NABP2: variants seen among roughly 807,000 people sequenced by gnomAD.
NABP2 encodes SOSS complex subunit B1.
Under a neutral mutation model 22.7 loss-of-function variants are expected in NABP2, and 7 were observed. The observed-to-expected ratio is 0.31, with a 90% CI of 0.18 to 0.58. NABP2 has a LOEUF of 0.58. Among genes scored for constraint, NABP2 ranks in the 20% least tolerant of loss-of-function variants. The pLI is 0.89. For synonymous variants in NABP2, 107 were observed against 99.2 expected, an observed-to-expected ratio of 1.08 and a Z score of -0.47; for missense variants, 188 against 265.9, an observed-to-expected ratio of 0.71 and a Z score of 2.04.
intron 6 of NABP2, 70 bp downstream of exon 6, chr12:56,226,489 T>G: frequency 2.3e-6 from 3 of 1,313,744 alleles, no homozygotes; most frequent in South Asian, 1.2e-5. Flanking sequence ...AAAGATGCAT[T>G]TCCCTCATTC....
At chr12:56,224,195 C>T (rs1869645926), upstream of NABP2, 2 of 388,500 alleles carry the variant, frequency 5.1e-6, no homozygotes, top group Non-Finnish European at 7.1e-6. Context: ...TCCAAGGTTC[C>T]TTTAATACCT....
At chr12:56,227,115 C>G (rs1344530668) in intron 6 of NABP2, among the ~76,000 whole-genome samples, 5 of 151,424 alleles carry the variant, frequency 3.3e-5, no homozygotes, top group Non-Finnish European at 7.4e-5. Context: ...TGGCTCATGC[C>G]TATAATCTCA....
chr12:56,228,991 G>T (rs1869953350), intron 6 of NABP2, 23 bp from the exon 7 acceptor site: 1 of 1,600,370 alleles, frequency 6.2e-7, no homozygotes, highest in South Asian at 1.1e-5. Flanking sequence ...TAATTCCTTT[G>T]TTTCTTCTCC....
intron 6 of NABP2, among the ~76,000 whole-genome samples, chr12:56,228,635 G>A (rs756772738): frequency 6.6e-6 from 1 of 151,850 alleles, no homozygotes; most frequent in Non-Finnish European, 1.5e-5. Context: ...ATCCACCCGC[G>A]TCAGCCTCCC....
At chr12:56,225,595 C>A (rs1869721516) in intron 3 of NABP2, 29 bp from the exon 4 acceptor site, 1 of 1,614,104 alleles carries the variant, frequency 6.2e-7, no homozygotes, top group East Asian at 2.2e-5. Flanking sequence ...CTTCTGAGTA[C>A]TGAATTTTGC....
chr12:56,224,555 C>G, intron 1 of NABP2, 114 bp downstream of exon 1: 1 of 1,216,066 alleles, frequency 8.2e-7, no homozygotes, highest in East Asian at 3.7e-5. Context: ...GCACCGGGTT[C>G]CCTACCCCTG....
chr12:56,223,886 C>T (rs1295090602), upstream of NABP2, among the ~76,000 whole-genome samples: 1 of 152,166 alleles, frequency 6.6e-6, no homozygotes, highest in Non-Finnish European at 1.5e-5. Flanking sequence ...AACTCCTGGA[C>T]TCATGCTATC....
Position 56,229,783 on chromosome 12 carries a change from C to T in NABP2, c.*570C>T, listed in dbSNP as rs190006394. 6.4e-6 allele frequency: 1 copy of T among 156,660 alleles called. No homozygotes were observed. Among genetic ancestry groups the T allele is most frequent in the Non-Finnish European group, 1.4e-5 (1 of 71,052 alleles). The allele number at this position is 156,660 out of a possible 1,614,324, so 9.7% of individuals were successfully genotyped here. A position where few individuals can be genotyped will look rare whatever the true frequency, so the allele number is the denominator to read the frequency against. Reference sequence around the variant, plus strand: ...AAAGAAAGAAAGAAATGGCAGTTACCATCTGTTTCTTCTGTGTGAGACATG... The same window carrying T: ...AAAGAAAGAAAGAAATGGCAGTTACTATCTGTTTCTTCTGTGTGAGACATG... On this transcript the variant is annotated 3_prime_UTR_variant, in exon 7 of 7. Transcript: ENST00000267023.
chr12:56,225,098 T>C (rs897114209), intron 2 of NABP2, among the ~76,000 whole-genome samples, 163 bp downstream of exon 2: 4 of 152,078 alleles, frequency 2.6e-5, no homozygotes, highest in Admixed American at 2.0e-4. Flanking sequence ...CAGTCAGGTA[T>C]AGGGTAGATA....
In NABP2 at chr12:56,225,296, C is replaced by T. The variant is rs969345463; in HGVS notation, c.80-77C>T. ...ACCTTTTCCCTCATTCCACCAATAT[C>T]CACATCTCATCCTTCTGAGAGATAC... On this transcript the variant is annotated intron_variant, in intron 2 of 6. Transcript: ENST00000267023. 1.9e-6 allele frequency: 3 copies of T among 1,577,496 alleles called. No individual in the cohort carries two copies. In the African/African-American group the frequency reaches 4.0e-5, roughly 21 times the overall value.
chr12:56,229,336 A>G lies in NABP2; in HGVS notation c.*123A>G. The G allele has an allele frequency of 9.6e-7, 1 of 1,039,970 alleles. No homozygotes were observed. The highest frequency in any genetic ancestry group is 1.4e-6 in the Non-Finnish European group (1 of 700,350). The allele number at this position is 1,039,970 out of a possible 1,614,324, so 64.4% of individuals were successfully genotyped here. A position where few individuals can be genotyped will look rare whatever the true frequency, so the allele number is the denominator to read the frequency against. ...CACTGAACTTCAGTGGAGGGTGGTG[A>G]GCAGTGTCCTTATCCACCCTAATCT... On this transcript the variant is annotated 3_prime_UTR_variant, in exon 7 of 7. Transcript: ENST00000267023.
chr12:56,222,158 G>A (rs1279466886), upstream of NABP2: 2 of 152,348 alleles, frequency 1.3e-5, no homozygotes, highest in Admixed American at 1.3e-4. Context: ...CGGCAAAAAC[G>A]TGTGGGCCTG....
rs958943181 is a variant in NABP2 at position 56,229,472 on chromosome 12, C to A, written c.*259C>A. The stretch of plus-strand genomic sequence containing the variant: ...GTTACTGGCTGGGCGCAGTGGCTCA[C>A]GCTTGTAATCCCAGCACTTTGGGAA... On this transcript the variant is annotated 3_prime_UTR_variant, in exon 7 of 7. Coordinates refer to ENST00000267023, the MANE Select transcript of NABP2 (RefSeq NM_024068.4). The A allele has an allele frequency of 2.1e-6, 1 of 472,760 alleles. No homozygotes were observed. The highest frequency in any genetic ancestry group is 3.5e-5 in the Admixed American group (1 of 28,488). The allele number at this position is 472,760 out of a possible 1,614,324, so 29.3% of individuals were successfully genotyped here.
intron 6 of NABP2, among the ~76,000 whole-genome samples, chr12:56,228,286 C>G (rs907859216): frequency 6.6e-6 from 1 of 152,044 alleles, no homozygotes; most frequent in African/African-American, 2.4e-5. Context: ...TACACTCATA[C>G]ACACCTTTTT....
chr12:56,225,461 C>T lies in NABP2; in HGVS notation c.168C>T (p.Asp56=), dbSNP rs140077412. The T allele has an allele frequency of 5.6e-6, 9 of 1,614,166 alleles. No individual in the cohort carries two copies. Among genetic ancestry groups the T allele is most frequent in the East Asian group, 2.2e-5 (1 of 44,886 alleles). The change falls in exon 3 of 7, where the codon GAC becomes GAT. Residue 56 remains aspartate, a synonymous_variant. Transcript: ENST00000267023. ...GCAGCATCAATATCTCTGTCTGGGA[C>T]GATGTTGGCAATCTGATCCAGCCTG... is the stretch of plus-strand genomic sequence containing the variant. ...KTGSINISVW[D]DVGNLIQPGD...
chr12:56,229,301 G>C lies in NABP2; in HGVS notation c.*88G>C. On this transcript the variant is annotated 3_prime_UTR_variant, in exon 7 of 7. Transcript: ENST00000267023. The stretch of plus-strand genomic sequence containing the variant: ...CTTCCACTGATTGGCTGGTGTAGCA[G>C]TATTTTAGCCACTGAACTTCAGTGG... 6.8e-7 allele frequency: 1 copy of C among 1,462,652 alleles called. No homozygotes were observed. The highest frequency in any genetic ancestry group is 9.4e-7 in the Non-Finnish European group (1 of 1,059,636). The allele number at this position is 1,462,652 out of a possible 1,614,324, so 90.6% of individuals were successfully genotyped here. A position where few individuals can be genotyped will look rare whatever the true frequency, so the allele number is the denominator to read the frequency against.
chr12:56,224,611 C>A, intron 1 of NABP2, 170 bp downstream of exon 1: 1 of 1,210,208 alleles, frequency 8.3e-7, no homozygotes, highest in Non-Finnish European at 1.1e-6. Flanking sequence ...AAAAGAGCAT[C>A]CCGGCAGGGG....
intron 3 of NABP2, 35 bp downstream of exon 3, chr12:56,225,546 C>T (rs1420400578): frequency 1.2e-6 from 2 of 1,614,012 alleles, no homozygotes; most frequent in Admixed American, 1.7e-5. Context: ...CTTCCAAAGG[C>T]AACAACAATC....
At chr12:56,224,271 G>C (rs931216370), upstream of NABP2, 10 of 951,990 alleles carry the variant, frequency 1.1e-5, no homozygotes, top group Non-Finnish European at 1.1e-5. Flanking sequence ...CAGGCGGCGG[G>C]ACGCAGGGCG....
Sources: gnomAD v4.1 joint callset for allele counts (sites outside exome capture counted in the v4.1 genomes callset) on GRCh38, gnomAD v4.1.1 for gene constraint, MANE v1.5 for transcripts, NCBI Gene and HGNC (gene_info 2026-07-23, HGNC 2026-07-21) for gene names.